The following PDE3B variants were observed in gnomAD, a reference collection of about 807,000 sequenced individuals.
PDE3B encodes the protein phosphodiesterase 3B.
In PDE3B, 66 loss-of-function variants were observed where a neutral mutation model predicts 116.8. That is an observed-to-expected ratio of 0.56 (90% CI 0.46 to 0.69). PDE3B has a LOEUF of 0.69. Among genes scored for constraint, PDE3B ranks in the 30% least tolerant of loss-of-function variants. PDE3B has a pLI of 0.00. For synonymous variants in PDE3B, 595 were observed against 533.6 expected, an observed-to-expected ratio of 1.12 and a Z score of -1.59; for missense variants, 1,384 against 1,368.1, an observed-to-expected ratio of 1.01 and a Z score of -0.18.
chr11:14,891,741 C>T, the PDE3B span: 1 of 1,345,370 alleles, frequency 7.4e-7, no homozygotes, highest in Non-Finnish European at 9.5e-7. Context: ...ACTGGATCGC[C>T]TCGGAGCCTC....
At chr11:14,752,724 A>G (rs1424061098) in intron 1 of PDE3B, among the ~76,000 whole-genome samples, 1 of 152,076 alleles carries the variant, frequency 6.6e-6, no homozygotes. Flanking sequence ...TTTCTCCTTG[A>G]TTCTGATAAG....
At chr11:14,852,668 T>A (rs1555005408) in intron 12 of PDE3B, among the ~76,000 whole-genome samples, 1 of 152,212 alleles carries the variant, frequency 6.6e-6, no homozygotes, top group African/African-American at 2.4e-5. Flanking sequence ...ATGCATAGCC[T>A]CTTACCTAGT....
chr11:14,832,008 A>G (rs1590179791), intron 9 of PDE3B, among the ~76,000 whole-genome samples: 1 of 152,176 alleles, frequency 6.6e-6, no homozygotes, highest in East Asian at 1.9e-4. Flanking sequence ...GATTTAATTT[A>G]TGCCAAAGAA....
Position 14,792,880 on chromosome 11 carries a change from AAGG to A in PDE3B, c.1415+3641_1415+3643del, listed in dbSNP as rs1380543140. Among the ~76,000 whole-genome samples the A allele has an allele frequency of 3.3e-5, 5 of 152,280 alleles. No individual in the cohort carries two copies. The East Asian group carries it at 9.6e-4, about 29-fold the overall frequency. On this transcript the variant is annotated intron_variant, in intron 4 of 15. Transcript: ENST00000282096. ...ACCTGGAGGTCCTTCTCCCTTCTCC[AAGG>A]AGAAGTACTCTTTTCTTCCTCTGAA...
chr11:14,665,306 A>G (rs1301194241), intron 1 of PDE3B, among the ~76,000 whole-genome samples: 3 of 152,234 alleles, frequency 2.0e-5, no homozygotes, highest in Admixed American at 6.5e-5. Context: ...CCCACAGCCA[A>G]TATCATACTG....
At chr11:14,740,044 G>C (rs1166798255) in intron 1 of PDE3B, among the ~76,000 whole-genome samples, 1 of 152,110 alleles carries the variant, frequency 6.6e-6, no homozygotes, top group Non-Finnish European at 1.5e-5. Flanking sequence ...TGTTCATTAG[G>C]TATATTGGCC....
chr11:14,759,570 G>A (rs1857296127), intron 1 of PDE3B, among the ~76,000 whole-genome samples: 1 of 134,706 alleles, frequency 7.4e-6, no homozygotes. Context: ...TTTTTTTTGA[G>A]ACAGAGTCTT....
intron 2 of PDE3B, among the ~76,000 whole-genome samples, chr11:14,777,363 T>C (rs774906854): frequency 2.0e-5 from 3 of 152,192 alleles, no homozygotes; most frequent in Non-Finnish European, 4.4e-5. Context: ...CTTCCCAGAT[T>C]TAGCCAAAAA....
chr11:14,875,049 T>C (rs1395031737), downstream of PDE3B, among the ~76,000 whole-genome samples: 1 of 152,122 alleles, frequency 6.6e-6, no homozygotes, highest in East Asian at 1.9e-4. Context: ...CCAATTTATT[T>C]ATACTTATTT....
At chr11:14,725,291 T>C (rs1181831172) in intron 1 of PDE3B, among the ~76,000 whole-genome samples, 3 of 127,764 alleles carry the variant, frequency 2.3e-5, no homozygotes, top group Non-Finnish European at 5.1e-5. Context: ...TTCTTTCTTT[T>C]TCTTTCTTTC....
intron 5 of PDE3B, among the ~76,000 whole-genome samples, chr11:14,814,843 T>A (rs1441788341): frequency 1.3e-5 from 2 of 152,002 alleles, no homozygotes; most frequent in African/African-American, 2.4e-5. Flanking sequence ...GCACCTGTAG[T>A]CCCAGCTACT....
At chr11:14,810,222 T>C (rs1859082741) in intron 5 of PDE3B, among the ~76,000 whole-genome samples, 1 of 151,990 alleles carries the variant, frequency 6.6e-6, no homozygotes, top group African/African-American at 2.4e-5. Context: ...AATGTACAGG[T>C]TAGTTACATA....
intron 1 of PDE3B, among the ~76,000 whole-genome samples, chr11:14,751,549 C>T (rs946180226): frequency 1.3e-5 from 2 of 151,978 alleles, no homozygotes; most frequent in South Asian, 2.1e-4. Context: ...TGATATCAGC[C>T]GTATTGTTTT....
intron 4 of PDE3B, among the ~76,000 whole-genome samples, chr11:14,795,330 A>G (rs1858519630): frequency 6.6e-6 from 1 of 152,200 alleles, no homozygotes; most frequent in African/African-American, 2.4e-5. Context: ...CAGGGACTGG[A>G]CTAAAACCAA....
intron 1 of PDE3B, among the ~76,000 whole-genome samples, chr11:14,740,684 T>C (rs1590106450): frequency 6.6e-6 from 1 of 152,344 alleles, no homozygotes; most frequent in East Asian, 1.9e-4. Flanking sequence ...GTACTTTTAA[T>C]TGTGATGTTA....
intron 1 of PDE3B, among the ~76,000 whole-genome samples, chr11:14,766,005 A>G (rs1275623452): frequency 6.6e-6 from 1 of 151,524 alleles, no homozygotes; most frequent in Non-Finnish European, 1.5e-5. Flanking sequence ...TGAGTGCTTG[A>G]ACCAGTATTT....
chr11:14,690,606 A>G (rs992636258), intron 1 of PDE3B, among the ~76,000 whole-genome samples: 1 of 143,532 alleles, frequency 7.0e-6, no homozygotes, highest in Non-Finnish European at 1.5e-5. Context: ...TGTATTTGTA[A>G]TTTTGCTTCC....
In PDE3B at chr11:14,859,978, T is replaced by C. The variant is rs542742005; in HGVS notation, c.2724+732T>C. Among the ~76,000 whole-genome samples, 7 of 152,248 alleles carry C rather than the reference T, an allele frequency of 4.6e-5. No homozygotes were observed. In the East Asian group the frequency reaches 1.4e-3, roughly 29 times the overall value. On this transcript the variant is annotated intron_variant, in intron 13 of 15. Transcript: ENST00000282096. ...GCTGCTATTTTCTTGATGACTTTTG[T>C]GACCTAAAAGAAGCTGTACCTGCAG...
chr11:14,834,431 T>C (rs1408195506), intron 10 of PDE3B, among the ~76,000 whole-genome samples: 1 of 152,202 alleles, frequency 6.6e-6, no homozygotes, highest in African/African-American at 2.4e-5. Context: ...GCCTATACTC[T>C]TTACACTATG....
Sources: allele counts gnomAD v4.1 joint callset (sites outside exome capture counted in the v4.1 genomes callset), GRCh38; gene constraint gnomAD v4.1.1; transcripts MANE v1.5; gene names NCBI Gene and HGNC (gene_info 2026-07-23, HGNC 2026-07-21).